The following TRIP13 variants were observed in gnomAD, a reference collection of about 807,000 sequenced individuals.
The protein encoded by TRIP13 is thyroid hormone receptor interactor 13.
A neutral mutation model predicts 54.4 loss-of-function variants in TRIP13; 25 were observed. That is an observed-to-expected ratio of 0.46 (90% CI 0.33 to 0.64). TRIP13 has a LOEUF of 0.64. TRIP13 is among the 30% of genes least tolerant of loss of function. The pLI is 0.02. For synonymous variants in TRIP13, 207 were observed against 207.8 expected (o/e 1.00, Z 0.03); for missense variants, 373 against 534.2 (o/e 0.70, Z 2.97).
In TRIP13 at chr5:912,547, G is replaced by T. The variant is rs1158508004; in HGVS notation, c.1020+551G>T. Among the ~76,000 whole-genome samples the T allele has an allele frequency of 6.6e-6, 1 of 151,648 alleles. No homozygotes were observed. The highest frequency in any genetic ancestry group is 2.4e-5 in the African/African-American group (1 of 41,026). On this transcript the variant is annotated intron_variant, in intron 10 of 12. Coordinates refer to ENST00000166345, the MANE Select transcript of TRIP13 (RefSeq NM_004237.4). This position sits in a 1 kb window ranked among gnomAD's most constrained non-coding sequence, Gnocchi z 7.2. Reference sequence around the variant, plus strand: ...TCGCCACGGGCAGAGCGACGCGTGCGGGGAGCGTGTGTGAGTCAGGAGGGC... The same window carrying T: ...TCGCCACGGGCAGAGCGACGCGTGCTGGGAGCGTGTGTGAGTCAGGAGGGC...
intron 1 of TRIP13, among the ~76,000 whole-genome samples, chr5:894,583 A>G (rs1485580286): frequency 6.6e-6 from 1 of 152,186 alleles, no homozygotes; most frequent in Non-Finnish European, 1.5e-5. Context: ...CTGGGAGCTG[A>G]GGCACAGCTT....
chr5:903,931 A>G (rs1754050835), intron 5 of TRIP13, among the ~76,000 whole-genome samples: 1 of 152,210 alleles, frequency 6.6e-6, no homozygotes. Flanking sequence ...GAGACCAGAA[A>G]TACGAAGTTG....
At chr5:914,855 T>C (rs1425296233) in intron 11 of TRIP13, among the ~76,000 whole-genome samples, 1 of 151,996 alleles carries the variant, frequency 6.6e-6, no homozygotes, top group East Asian at 1.9e-4. Context: ...TGACGACACT[T>C]ACAAGGATTC....
In TRIP13 at chr5:915,353, C is replaced by T. The variant is rs1479076610; in HGVS notation, c.1134-551C>T. Among the ~76,000 whole-genome samples, 1 of 152,210 alleles carries T rather than the reference C, an allele frequency of 6.6e-6. No homozygotes were observed. Among genetic ancestry groups the T allele is most frequent in the Non-Finnish European group, 1.5e-5 (1 of 68,038 alleles). On this transcript the variant is annotated intron_variant, in intron 11 of 12. Coordinates refer to ENST00000166345, the MANE Select transcript of TRIP13 (RefSeq NM_004237.4). This position sits in a 1 kb window ranked among gnomAD's most constrained non-coding sequence, Gnocchi z 4.2. The stretch of plus-strand genomic sequence containing the variant: ...GCCTGGTGCTCCCAGGCAGGTGATG[C>T]CTTCCCTGAGCGCAAGGATGCTGGC...
chr5:896,854 C>T, intron 3 of TRIP13, 60 bp downstream of exon 3: 2 of 1,537,578 alleles, frequency 1.3e-6, no homozygotes, highest in Non-Finnish European at 1.8e-6. Context: ...ATACTCCATG[C>T]CATGTCAGTT....
At chr5:897,034 G>T (rs886279756) in intron 3 of TRIP13, among the ~76,000 whole-genome samples, 1 of 152,226 alleles carries the variant, frequency 6.6e-6, no homozygotes, top group South Asian at 2.1e-4. Context: ...GAGTGCCCAT[G>T]TGCTCTTCTC....
chr5:903,113 G>A (rs925189383), intron 5 of TRIP13, among the ~76,000 whole-genome samples: 2 of 152,116 alleles, frequency 1.3e-5, no homozygotes, highest in Non-Finnish European at 2.9e-5. Flanking sequence ...GAGGTGGAGG[G>A]GTAGAGTCTT....
At chr5:918,754 G>A (rs1754379957), downstream of TRIP13, among the ~76,000 whole-genome samples, 3 of 152,180 alleles carry the variant, frequency 2.0e-5, no homozygotes, top group African/African-American at 4.8e-5. The surrounding 1 kb of genome is among the most constrained non-coding windows in gnomAD (Gnocchi z 4.3). Flanking sequence ...CGATATTTGA[G>A]GGCAGGAAGC....
In TRIP13 at chr5:912,088, C is replaced by T. The variant is rs779566115; in HGVS notation, c.1020+92C>T. 167 of 1,464,176 alleles carry T rather than the reference C, an allele frequency of 1.1e-4. No individual in the cohort carries two copies. The Middle Eastern group carries it at 3.3e-3, about 29-fold the overall frequency. The allele number at this position is 1,464,176 out of a possible 1,614,324, so 90.7% of individuals were successfully genotyped here. On this transcript the variant is annotated intron_variant, in intron 10 of 12. Coordinates refer to ENST00000166345, the MANE Select transcript of TRIP13 (RefSeq NM_004237.4). This position sits in a 1 kb window ranked among gnomAD's most constrained non-coding sequence, Gnocchi z 7.2. ...AGCTTAAAATAAGCTCGTTCCAGTACGGAGGATTTCAACATATGCATTAAC... is the reference window on the plus strand; with the variant it reads ...AGCTTAAAATAAGCTCGTTCCAGTATGGAGGATTTCAACATATGCATTAAC...
chr5:893,315 G>T (rs943837901), intron 1 of TRIP13, among the ~76,000 whole-genome samples: 1 of 151,936 alleles, frequency 6.6e-6, no homozygotes, highest in Admixed American at 6.6e-5. Flanking sequence ...CGAGCCCTGC[G>T]CGCAGGACCC....
Position 908,199 on chromosome 5 carries a change from A to C in TRIP13, c.759+125A>C, listed in dbSNP as rs1285542429. On this transcript the variant is annotated intron_variant, in intron 8 of 12. Coordinates refer to ENST00000166345, the MANE Select transcript of TRIP13 (RefSeq NM_004237.4). This position sits in a 1 kb window ranked among gnomAD's most constrained non-coding sequence, Gnocchi z 5.2. The stretch of plus-strand genomic sequence containing the variant: ...CGGGCTGCCCTCTATCCCTCCCTGC[A>C]CTGTGCGCCTTTCCACCTTGCCGCA... 3 of 1,376,842 alleles carry C rather than the reference A, an allele frequency of 2.2e-6. No individual in the cohort carries two copies. The highest frequency in any genetic ancestry group is 3.1e-6 in the Non-Finnish European group (3 of 976,250). 85.3% of individuals were successfully genotyped at this position (1,376,842 alleles called of 1,614,324 possible). A position where few individuals can be genotyped will look rare whatever the true frequency, so the allele number is the denominator to read the frequency against.
intron 1 of TRIP13, chr5:893,856 A>G (rs1178692941): frequency 2.6e-5 from 4 of 153,134 alleles, no homozygotes; most frequent in Admixed American, 1.3e-4. Context: ...AGACACCTGC[A>G]CAAAGCCCCA....
intron 4 of TRIP13, among the ~76,000 whole-genome samples, chr5:900,909 C>G (rs1753972855): frequency 6.6e-6 from 1 of 152,166 alleles, no homozygotes; most frequent in Non-Finnish European, 1.5e-5. Context: ...CAGCAGCTGG[C>G]TAGAAGACTA....
Position 908,563 on chromosome 5 carries a change from T to G in TRIP13, c.866+102T>G, listed in dbSNP as rs1754165949. On this transcript the variant is annotated intron_variant, in intron 9 of 12. Transcript: ENST00000166345. This position sits in a 1 kb window ranked among gnomAD's most constrained non-coding sequence, Gnocchi z 5.2. ...ACCCTAGATCTTAGTGCCCAGCTCTTTCACCGGAAAGTGCATTTGGCATTG... is the reference window on the plus strand; with the variant it reads ...ACCCTAGATCTTAGTGCCCAGCTCTGTCACCGGAAAGTGCATTTGGCATTG... The G allele has an allele frequency of 2.6e-5, 40 of 1,547,218 alleles. No homozygotes were observed. The South Asian group carries it at 4.6e-4, about 18-fold the overall frequency.
Position 896,802 on chromosome 5 carries a change from G to C in TRIP13, c.388+8G>C. On this transcript the variant is annotated splice_region_variant and intron_variant, in intron 3 of 12. Transcript: ENST00000166345. ...ACTGGGTTCTACCTGCAGGTATGGGGTGTGATGGGAGTTGAAGGGGAGGCT... is the reference window on the plus strand; with the variant it reads ...ACTGGGTTCTACCTGCAGGTATGGGCTGTGATGGGAGTTGAAGGGGAGGCT... The C allele has an allele frequency of 6.2e-7, 1 of 1,612,518 alleles. No homozygotes were observed. The highest frequency in any genetic ancestry group is 8.5e-7 in the Non-Finnish European group (1 of 1,179,076).
Position 900,511 on chromosome 5 carries a change from T to C in TRIP13, c.406T>C (p.Trp136Arg). 6.2e-7 allele frequency: 1 copy of C among 1,612,158 alleles called. No homozygotes were observed. Among genetic ancestry groups the C allele is most frequent in the Non-Finnish European group, 8.5e-7 (1 of 1,179,618 alleles). The change falls in exon 4 of 13, where the codon TGG (tryptophan) becomes CGG (arginine). Residue 136 changes from tryptophan to arginine, a missense_variant. Physicochemically the swap from Trp to Arg is moderately radical, Grantham distance 101. Around this residue, in one of 4 missense-constraint regions of TRIP13, gnomAD observed 119 missense variants for 223.0 expected, o/e 0.53. Coordinates refer to ENST00000166345, the MANE Select transcript of TRIP13 (RefSeq NM_004237.4). ...VLPAAEFHGL[W>R]DSLVYDVEVK... Reference sequence around the variant, plus strand: ...TGTCACAGCTGAATTCCATGGGCTTTGGGACAGCTTGGTATACGATGTGGA... The same window carrying C: ...TGTCACAGCTGAATTCCATGGGCTTCGGGACAGCTTGGTATACGATGTGGA...
Position 907,225 on chromosome 5 carries a change from G to C in TRIP13, c.672+32G>C. 1 of 1,577,400 alleles carries C rather than the reference G, an allele frequency of 6.3e-7. No individual in the cohort carries two copies. Among genetic ancestry groups the C allele is most frequent in the South Asian group, 1.1e-5 (1 of 89,868 alleles). On this transcript the variant is annotated intron_variant, in intron 7 of 12. Transcript: ENST00000166345. The surrounding 1 kb of genome is among the most constrained non-coding windows in gnomAD (Gnocchi z 4.1). ...ATTAAATATTAATTCTAATTGTCTG[G>C]ATTGTATAGCTGAAAAAATGTCTTG...
rs1015068544 is a variant in TRIP13 at position 892,936 on chromosome 5, A to G, written c.-63A>G. 150 of 1,382,850 alleles carry G rather than the reference A, an allele frequency of 1.1e-4. No homozygotes were observed. Among genetic ancestry groups the G allele is most frequent in the Non-Finnish European group, 1.3e-4 (141 of 1,059,796 alleles). The allele number at this position is 1,382,850 out of a possible 1,614,324, so 85.7% of individuals were successfully genotyped here. On this transcript the variant is annotated 5_prime_UTR_variant, in exon 1 of 13. Transcript: ENST00000166345. ...GGCTGAGGCAGCGGCTGTGGCGGCG[A>G]CGCTGGGCGTGAGGTGGCGGCGGCC...
Position 912,546 on chromosome 5 carries a change from C to T in TRIP13, c.1020+550C>T, listed in dbSNP as rs976600908. ...GTCGCCACGGGCAGAGCGACGCGTG[C>T]GGGGAGCGTGTGTGAGTCAGGAGGG... is the stretch of plus-strand genomic sequence containing the variant. On this transcript the variant is annotated intron_variant, in intron 10 of 12. Coordinates refer to ENST00000166345, the MANE Select transcript of TRIP13 (RefSeq NM_004237.4). The surrounding 1 kb of genome is among the most constrained non-coding windows in gnomAD (Gnocchi z 7.2). 2.0e-5 allele frequency among the ~76,000 whole-genome samples: 3 copies of T among 147,738 alleles called. No homozygotes were observed. Among genetic ancestry groups the T allele is most frequent in the Non-Finnish European group, 4.5e-5 (3 of 67,108 alleles).
Sources: allele counts gnomAD v4.1 joint callset (sites outside exome capture counted in the v4.1 genomes callset), GRCh38; gene constraint gnomAD v4.1.1; regional missense constraint gnomAD v4.1.1; non-coding constraint Gnocchi (gnomAD v3.1); transcripts MANE v1.5; gene names NCBI Gene and HGNC (gene_info 2026-07-23, HGNC 2026-07-21).